SNF8: variants seen among roughly 807,000 people sequenced by gnomAD.
SNF8 encodes vacuolar-sorting protein SNF8.
Under a neutral mutation model 36.8 loss-of-function variants are expected in SNF8, and 19 were observed. The observed-to-expected ratio is 0.52, with a 90% confidence interval of 0.36 to 0.76. The LOEUF is 0.76. Among genes scored for constraint, SNF8 ranks in the 30% least tolerant of loss-of-function variants. The pLI is 0.00. For synonymous variants in SNF8, 127 were observed against 127.4 expected (o/e 1.00, Z 0.02); for missense variants, 268 against 322.9 (o/e 0.83, Z 1.30).
At chr17:48,935,430 G>A (rs925083106) in intron 5 of SNF8, among the ~76,000 whole-genome samples, 14 of 151,132 alleles carry the variant, frequency 9.3e-5, no homozygotes, top group African/African-American at 2.9e-4. Flanking sequence ...GGAGAATGGC[G>A]TGAACCCAGG....
intron 3 of SNF8, 147 bp from the exon 4 acceptor site, chr17:48,937,271 T>C: frequency 1.4e-6 from 1 of 731,364 alleles, no homozygotes. Flanking sequence ...CAGGAAACAA[T>C]CGGACTCACG....
chr17:48,936,678 G>A lies in SNF8; in HGVS notation c.349+342C>T, dbSNP rs532583535. On this transcript the variant is annotated intron_variant, in intron 4 of 7. Coordinates refer to ENST00000502492, the MANE Select transcript of SNF8 (RefSeq NM_007241.4). Reference sequence around the variant, plus strand: ...GACTCAGTTGGCATTCCCATACGTCGGAGAGACAGTGCAGGACTATAGTTA... The same window carrying A: ...GACTCAGTTGGCATTCCCATACGTCAGAGAGACAGTGCAGGACTATAGTTA... 31 of 348,222 alleles carry A rather than the reference G, an allele frequency of 8.9e-5. No homozygotes were observed. The East Asian group carries it at 1.1e-3, about 12-fold the overall frequency. 21.6% of individuals were successfully genotyped at this position (348,222 alleles called of 1,614,324 possible).
At chr17:48,937,362 T>A (rs1352657738) in intron 3 of SNF8, 1 of 615,656 alleles carries the variant, frequency 1.6e-6, no homozygotes, top group African/African-American at 1.8e-5. Flanking sequence ...GCGCAGTGGC[T>A]CACGCCTGTA....
At chr17:48,935,503 ACT>A (rs1296097161) in intron 5 of SNF8, among the ~76,000 whole-genome samples, 1 of 132,824 alleles carries the variant, frequency 7.5e-6, no homozygotes, top group Non-Finnish European at 1.6e-5. Context: ...ACAGAGTGAG[ACT>A]CTGTCTCAAA....
rs2040836993 is a variant in SNF8 at position 48,930,259 on chromosome 17, G to GC, written c.*215dup. ...TACAAAAATCATTTTATATGTGCTT[G>GC]CCGTTCTCTGTGTTAATCAGATTAT... On this transcript the variant is annotated 3_prime_UTR_variant, in exon 8 of 8. Transcript: ENST00000502492. 7.0e-6 allele frequency: 3 copies of GC among 426,258 alleles called. No individual in the cohort carries two copies. The highest frequency in any genetic ancestry group is 7.5e-5 in the East Asian group (2 of 26,662). 26.4% of individuals were successfully genotyped at this position (426,258 alleles called of 1,614,324 possible).
intron 2 of SNF8, among the ~76,000 whole-genome samples, chr17:48,943,590 A>T (rs1001019127): frequency 7.5e-6 from 1 of 133,514 alleles, no homozygotes; most frequent in Admixed American, 8.3e-5. Flanking sequence ...TCTGGGCAAC[A>T]GAGCAAGACT....
At chr17:48,936,379 G>T in intron 4 of SNF8, 137 bp from the exon 5 acceptor site, 1 of 641,106 alleles carries the variant, frequency 1.6e-6, no homozygotes, top group South Asian at 1.8e-5. Context: ...CTCTCCTTAT[G>T]AAATAACTGA....
chr17:48,944,731 G>T lies in SNF8; in HGVS notation c.4C>A (p.His2Asn), dbSNP rs2041079599. The change falls in exon 1 of 8, where the codon CAC (histidine) becomes AAC (asparagine). Residue 2 changes from histidine to asparagine, a missense_variant. Transcript: ENST00000502492. MHRRGVGAGAIA... is the reference protein window; with the variant it reads MNRRGVGAGAIA... ...GCGCCAGCTCCCACCCCGCGGCGGT[G>T]CATCCCCACCCTGGGCCCGCGGGCC... 1 of 1,608,802 alleles carries T rather than the reference G, an allele frequency of 6.2e-7. No individual in the cohort carries two copies. Among genetic ancestry groups the T allele is most frequent in the Non-Finnish European group, 8.5e-7 (1 of 1,178,472 alleles).
chr17:48,931,274 T>C (rs146209197), intron 7 of SNF8, among the ~76,000 whole-genome samples: 209 of 152,320 alleles, frequency 1.4e-3, no homozygotes, highest in Non-Finnish European at 2.5e-3. Context: ...TAATGCTTAG[T>C]GGATAATTAG....
At chr17:48,937,381 A>G (rs2143806982) in intron 3 of SNF8, 1 of 582,522 alleles carries the variant, frequency 1.7e-6, no homozygotes. Flanking sequence ...TAATTCCAAC[A>G]CTTTGGGACA....
intron 2 of SNF8, among the ~76,000 whole-genome samples, chr17:48,943,707 A>G (rs1189835060): frequency 1.3e-5 from 2 of 152,238 alleles, no homozygotes; most frequent in African/African-American, 4.8e-5. Flanking sequence ...TAAAGAAAAT[A>G]GACAAATGCC....
intron 3 of SNF8, among the ~76,000 whole-genome samples, chr17:48,938,516 AAAC>A (rs1465370222): frequency 8.6e-5 from 13 of 151,242 alleles, no homozygotes; most frequent in Non-Finnish European, 1.9e-4. Flanking sequence ...AAAAAAAAGA[AAAC>A]AAAAATGTAG....
At chr17:48,944,234 G>A in intron 1 of SNF8, 1 of 455,122 alleles carries the variant, frequency 2.2e-6, no homozygotes, top group Non-Finnish European at 4.1e-6. Context: ...CCCTGGAGGT[G>A]GAGGTTGCAG....
chr17:48,936,563 T>C (rs2040937319), intron 4 of SNF8: 1 of 329,852 alleles, frequency 3.0e-6, no homozygotes, highest in South Asian at 3.5e-5. Flanking sequence ...GTTTTCTTTC[T>C]GTAACTTCAA....
At chr17:48,940,360 TAA>T (rs2143814707) in intron 3 of SNF8, among the ~76,000 whole-genome samples, 1 of 151,972 alleles carries the variant, frequency 6.6e-6, no homozygotes, top group Admixed American at 6.6e-5. Context: ...TATTTTTTAA[TAA>T]AGAGGGAAAA....
intron 2 of SNF8, among the ~76,000 whole-genome samples, chr17:48,943,449 A>G (rs2041060521): frequency 6.6e-6 from 1 of 152,144 alleles, no homozygotes; most frequent in Non-Finnish European, 1.5e-5. Flanking sequence ...CTCTACTAAA[A>G]ATACAAAAAT....
chr17:48,934,641 CTA>C (rs1481063509), intron 5 of SNF8: 4 of 155,944 alleles, frequency 2.6e-5, no homozygotes, highest in African/African-American at 9.6e-5. Flanking sequence ...ACGTCTTGCT[CTA>C]TATCCCAGGC....
intron 5 of SNF8, 73 bp from the exon 6 acceptor site, chr17:48,933,419 G>T: frequency 1.3e-6 from 2 of 1,546,340 alleles, no homozygotes; most frequent in Non-Finnish European, 1.8e-6. Context: ...GCTCTGCCCT[G>T]GGCAGGATAC....
chr17:48,933,383 G>C (rs1384021633), intron 5 of SNF8, 37 bp from the exon 6 acceptor site: 3 of 1,612,800 alleles, frequency 1.9e-6, no homozygotes, highest in Non-Finnish European at 2.5e-6. Context: ...ACCCTTGGCA[G>C]AATCAGACCT....
Sources: allele counts gnomAD v4.1 joint callset (sites outside exome capture counted in the v4.1 genomes callset), GRCh38; gene constraint gnomAD v4.1.1; transcripts MANE v1.5; gene names NCBI Gene and HGNC (gene_info 2026-07-23, HGNC 2026-07-21).